The following TENT4B variants were observed in gnomAD, a reference collection of about 807,000 sequenced individuals.
TENT4B encodes terminal nucleotidyltransferase 4B.
In TENT4B, 10 loss-of-function variants were observed where a neutral mutation model predicts 75.0. The observed-to-expected ratio is 0.13, with a 90% CI of 0.08 to 0.23. The LOEUF is 0.23. TENT4B is among the 10% of genes least tolerant of loss of function. The probability of loss-of-function intolerance (pLI) is 1.00; values close to 1 mark genes in which losing one functional copy is unlikely to be tolerated. For synonymous variants in TENT4B, 350 were observed against 357.7 expected (o/e 0.98, Z 0.24); for missense variants, 579 against 893.8 (o/e 0.65, Z 4.49).
intron 1 of TENT4B, among the ~76,000 whole-genome samples, chr16:50,169,317 A>G (rs894289859): frequency 1.4e-5 from 2 of 147,110 alleles, no homozygotes; most frequent in African/African-American, 5.0e-5. Context: ...TCAGTTTACT[A>G]TGATCCCTTT....
chr16:50,157,749 GT>G lies in TENT4B; in HGVS notation c.638+3491del, dbSNP rs2037928371. On this transcript the variant is annotated intron_variant, in intron 1 of 11. Coordinates refer to ENST00000561678, the MANE Select transcript of TENT4B (RefSeq NM_001365324.3). ...GCTGGGATTACAGGTGTGAGCCACT[GT>G]GCCTGGCCTAAATTTATTTTTTTAA... Among the ~76,000 whole-genome samples the G allele has an allele frequency of 2.0e-5, 3 of 150,156 alleles. No homozygotes were observed. In the South Asian group the frequency reaches 6.4e-4, roughly 32 times the overall value.
chr16:50,218,488 G>A (rs1420046277), intron 5 of TENT4B, among the ~76,000 whole-genome samples: 4 of 151,896 alleles, frequency 2.6e-5, no homozygotes, highest in Non-Finnish European at 5.9e-5. Context: ...TGCCTGGGAC[G>A]AGTACCAGGC....
chr16:50,163,239 G>T (rs1472748038), intron 1 of TENT4B, among the ~76,000 whole-genome samples: 1 of 152,042 alleles, frequency 6.6e-6, no homozygotes, highest in Non-Finnish European at 1.5e-5. Context: ...TAATTTCCAG[G>T]AACTTGGACT....
In TENT4B at chr16:50,217,775, T is replaced by TCTCTCTCTCTC; in HGVS notation, c.1038+112_1038+113insCTCTCTCTCTC. The TCTCTCTCTCTC allele has an allele frequency of 7.9e-6, 5 of 632,960 alleles. 1 individual carries two copies. The highest frequency in any genetic ancestry group is 8.1e-6 in the Non-Finnish European group (3 of 368,948). 39.2% of individuals were successfully genotyped at this position (632,960 alleles called of 1,614,324 possible). On this transcript the variant is annotated intron_variant, in intron 5 of 11. Transcript: ENST00000561678. The stretch of plus-strand genomic sequence containing the variant: ...GCATGTTGCTGTCTCTCTCTCTCTC[T>TCTCTCTCTCTC]TTTAAATAGAGCTAGGGTCTCACTC...
intron 1 of TENT4B, among the ~76,000 whole-genome samples, chr16:50,158,794 G>C (rs1414322874): frequency 6.6e-6 from 1 of 152,102 alleles, no homozygotes; most frequent in Non-Finnish European, 1.5e-5. Context: ...TTGGGTTTAA[G>C]GTACAATTTC....
intron 1 of TENT4B, among the ~76,000 whole-genome samples, chr16:50,196,103 A>G (rs2030219941): frequency 6.6e-6 from 1 of 152,238 alleles, no homozygotes; most frequent in African/African-American, 2.4e-5. Flanking sequence ...TAGGTGGTAA[A>G]TGCAACATAT....
At chr16:50,194,689 G>A (rs1486914860) in intron 1 of TENT4B, among the ~76,000 whole-genome samples, 1 of 140,290 alleles carries the variant, frequency 7.1e-6, no homozygotes, top group East Asian at 2.3e-4. Flanking sequence ...ACCCCCACCC[G>A]CTCCTTTCCC....
intron 10 of TENT4B, among the ~76,000 whole-genome samples, chr16:50,226,360 G>T (rs952368319): frequency 3.3e-5 from 5 of 152,118 alleles, no homozygotes; most frequent in Admixed American, 2.0e-4. Context: ...GAACCACATA[G>T]AATATAGTCT....
intron 1 of TENT4B, among the ~76,000 whole-genome samples, chr16:50,175,993 G>A (rs1178503985): frequency 6.6e-6 from 1 of 152,010 alleles, no homozygotes; most frequent in Non-Finnish European, 1.5e-5. Context: ...ATGTTGCCCA[G>A]GCTGGTCTTG....
intron 1 of TENT4B, among the ~76,000 whole-genome samples, chr16:50,176,494 CTTTTTTTTTTTTTTTT>C (rs34067223): frequency 2.1e-4 from 11 of 53,090 alleles, no homozygotes; most frequent in Non-Finnish European, 2.1e-4. Context: ...ACCAATAATT[CTTTTTTTTTTTTTTTT>C]TTTTTTTTTT....
rs777929796 is a variant in TENT4B, at chr16:50,211,311, T to A, written c.639-12T>A. 6.2e-7 allele frequency: 1 copy of A among 1,603,646 alleles called. No homozygotes were observed. The highest frequency in any genetic ancestry group is 2.2e-5 in the East Asian group (1 of 44,548). ...GCCCTGTTCATATTAACTTTTCTGTTTTTTTCTTCAGTCTGCATGAAGAAA... is the reference window on the plus strand; with the variant it reads ...GCCCTGTTCATATTAACTTTTCTGTATTTTTCTTCAGTCTGCATGAAGAAA... On this transcript the variant is annotated splice_polypyrimidine_tract_variant and intron_variant, in intron 1 of 11. Coordinates refer to ENST00000561678, the MANE Select transcript of TENT4B (RefSeq NM_001365324.3).
rs561743777 is a variant in TENT4B, at chr16:50,228,017, G to A, written c.1965+14G>A. On this transcript the variant is annotated intron_variant, in intron 11 of 11. Transcript: ENST00000561678. ...AACAAATCTCAGGTGTGTGGAACGT[G>A]GGTTTTTAATTGTTAGTATTTGATA... 1.9e-6 allele frequency: 3 copies of A among 1,609,830 alleles called. No homozygotes were observed. Among genetic ancestry groups the A allele is most frequent in the East Asian group, 4.5e-5 (2 of 44,738 alleles).
intron 5 of TENT4B, among the ~76,000 whole-genome samples, chr16:50,220,128 A>G (rs756889122): frequency 6.6e-6 from 1 of 151,854 alleles, no homozygotes; most frequent in African/African-American, 2.4e-5. Flanking sequence ...AGCTGGGATT[A>G]GAGGCGCACA....
chr16:50,164,371 G>A lies in TENT4B; in HGVS notation c.638+10112G>A, dbSNP rs374659401. 2.6e-5 allele frequency among the ~76,000 whole-genome samples: 4 copies of A among 151,252 alleles called. No homozygotes were observed. In the East Asian group the frequency reaches 5.9e-4, roughly 22 times the overall value. Reference sequence around the variant, plus strand: ...GTCACCCAGGCTGGAGTGCAGTGGCGCTATCTTGGCTCACTGCAAGCCCCG... The same window carrying A: ...GTCACCCAGGCTGGAGTGCAGTGGCACTATCTTGGCTCACTGCAAGCCCCG... On this transcript the variant is annotated intron_variant, in intron 1 of 11. Transcript: ENST00000561678.
At chr16:50,153,269 C>A (rs898799498), upstream of TENT4B, among the ~76,000 whole-genome samples, 1 of 139,172 alleles carries the variant, frequency 7.2e-6, no homozygotes, top group Non-Finnish European at 1.6e-5. Context: ...GGAGCAGGCG[C>A]GTCTCGCTGC....
At position 50,192,428 on chromosome 16, in the gene TENT4B, T is replaced by A. The variant is rs539312688; in HGVS notation, c.639-18895T>A. ...CTATAGATTTCTTTAAAATTTTTTT[T>A]AAAATTATTATGAGTACACAATAGG... is the stretch of plus-strand genomic sequence containing the variant. On this transcript the variant is annotated intron_variant, in intron 1 of 11. Coordinates refer to ENST00000561678, the MANE Select transcript of TENT4B (RefSeq NM_001365324.3). 2.1e-3 allele frequency among the ~76,000 whole-genome samples: 324 copies of A among 152,274 alleles called. 1 individual carries two copies. Among genetic ancestry groups the A allele is most frequent in the African/African-American group, 6.5e-3 (271 of 41,560 alleles).
intron 1 of TENT4B, among the ~76,000 whole-genome samples, chr16:50,188,340 C>G (rs1018653958): frequency 6.6e-6 from 1 of 152,146 alleles, no homozygotes; most frequent in Non-Finnish European, 1.5e-5. Context: ...GCCTTCTGCC[C>G]TTCGCTTGGC....
intron 1 of TENT4B, among the ~76,000 whole-genome samples, chr16:50,206,172 T>C (rs1360555673): frequency 6.6e-6 from 1 of 152,116 alleles, no homozygotes; most frequent in African/African-American, 2.4e-5. Context: ...AAAATATTTC[T>C]GGAGGATGGA....
At chr16:50,211,768 T>C (rs1023627283) in intron 2 of TENT4B, among the ~76,000 whole-genome samples, 5 of 152,196 alleles carry the variant, frequency 3.3e-5, no homozygotes, top group African/African-American at 1.2e-4. Flanking sequence ...TGGTCTGTTA[T>C]TGGATATGAT....
Sources: gnomAD v4.1 joint callset for allele counts (sites outside exome capture counted in the v4.1 genomes callset) on GRCh38, gnomAD v4.1.1 for gene constraint, MANE v1.5 for transcripts, NCBI Gene and HGNC (gene_info 2026-07-23, HGNC 2026-07-21) for gene names.